The following STK32A variants were observed in gnomAD, a reference collection of about 807,000 sequenced individuals.
The protein encoded by STK32A is serine/threonine-protein kinase 32A.
In STK32A, 41 loss-of-function variants were observed where a neutral mutation model predicts 53.2. That is an observed-to-expected ratio of 0.77 (90% confidence interval 0.60 to 1.00). The LOEUF (loss-of-function observed/expected upper bound fraction) is 1.00, where lower values mean the gene tolerates loss of function less well. STK32A is among the 50% of genes least tolerant of loss of function. The pLI is 0.00. For missense variants in STK32A, 458 were observed against 485.8 expected (o/e 0.94, Z 0.54); for synonymous variants, 166 against 162.8 (o/e 1.02, Z -0.15).
intron 5 of STK32A, among the ~76,000 whole-genome samples, chr5:147,336,109 A>G (rs1755106988): frequency 1.3e-5 from 2 of 152,174 alleles, no homozygotes; most frequent in Admixed American, 6.5e-5. Flanking sequence ...TAAGTACTAT[A>G]CTAATATACT....
chr5:147,274,967 G>T (rs1389870556), intron 2 of STK32A, among the ~76,000 whole-genome samples: 1 of 151,970 alleles, frequency 6.6e-6, no homozygotes, highest in Admixed American at 6.6e-5. Flanking sequence ...CATATCCATT[G>T]GTTTTCAAAA....
At chr5:147,355,792 G>GTGTGTGTATATATATATATA (rs984298293) in intron 7 of STK32A, among the ~76,000 whole-genome samples, 3 of 147,766 alleles carry the variant, frequency 2.0e-5, no homozygotes, top group African/African-American at 7.6e-5. Context: ...GTGTGTGTGT[G>GTGTGTGTATATATATATATA]TATATATATA....
chr5:147,316,790 G>T (rs1298652324), intron 4 of STK32A, among the ~76,000 whole-genome samples: 1 of 145,254 alleles, frequency 6.9e-6, no homozygotes, highest in Non-Finnish European at 1.5e-5. Flanking sequence ...AGGAGTTCAA[G>T]GCTGCAGTGA....
chr5:147,355,792 G>GTATATATATATATATATATATATA (rs140534042), intron 7 of STK32A, among the ~76,000 whole-genome samples: 1 of 147,760 alleles, frequency 6.8e-6, no homozygotes, highest in African/African-American at 2.5e-5. Flanking sequence ...GTGTGTGTGT[G>GTATATATATATATATATATATATA]TATATATATA....
At chr5:147,389,275 C>T (rs1757742793), downstream of STK32A, among the ~76,000 whole-genome samples, 1 of 152,174 alleles carries the variant, frequency 6.6e-6, no homozygotes, top group Non-Finnish European at 1.5e-5. Context: ...GCGAATGGTG[C>T]CACAGCCACG....
At chr5:147,300,432 A>T (rs1239862050) in intron 4 of STK32A, among the ~76,000 whole-genome samples, 1 of 152,212 alleles carries the variant, frequency 6.6e-6, no homozygotes, top group Non-Finnish European at 1.5e-5. Context: ...ATTGTCTTTC[A>T]TATCCCACAA....
intron 2 of STK32A, among the ~76,000 whole-genome samples, chr5:147,270,389 T>G (rs1754978257): frequency 9.6e-6 from 1 of 104,604 alleles, no homozygotes; most frequent in African/African-American, 4.1e-5. Flanking sequence ...ATGTTTAATT[T>G]TTTTGTTGTT....
In STK32A at chr5:147,351,099, G is replaced by T; in HGVS notation, c.507G>T (p.Ala169=). 1 of 1,613,936 alleles carries T rather than the reference G, an allele frequency of 6.2e-7. No homozygotes were observed. Among genetic ancestry groups the T allele is most frequent in the South Asian group, 1.1e-5 (1 of 91,074 alleles). Residue 169 remains alanine (A), a synonymous_variant, in exon 7 of 13, where the codon GCG becomes GCT. Coordinates refer to ENST00000397936, the MANE Select transcript of STK32A (RefSeq NM_001112724.2). ...ACATCACAGATTTCAACATTGCTGC[G>T]ATGCTGCCCAGGGAGACACAGATTA... ...HVHITDFNIA[A]MLPRETQITT...
intron 2 of STK32A, among the ~76,000 whole-genome samples, chr5:147,245,080 A>G (rs1753723985): frequency 6.6e-6 from 1 of 152,236 alleles, no homozygotes; most frequent in South Asian, 2.1e-4. Flanking sequence ...CTATATAAAA[A>G]CACTTTAAAA....
intron 6 of STK32A, chr5:147,348,594 T>C: frequency 2.8e-6 from 2 of 712,156 alleles, no homozygotes; most frequent in Non-Finnish European, 5.3e-6. Flanking sequence ...TACATAATCT[T>C]GTAGCTGAGT....
chr5:147,388,933 A>C (rs1420980811), downstream of STK32A, among the ~76,000 whole-genome samples: 1 of 152,202 alleles, frequency 6.6e-6, no homozygotes, highest in Non-Finnish European at 1.5e-5. Context: ...CTCGGTCATG[A>C]GCAGGGAGAG....
the STK32A span, chr5:147,395,590 C>G: frequency 6.2e-7 from 1 of 1,613,710 alleles, no homozygotes; most frequent in South Asian, 1.1e-5. Context: ...GATGAAGATT[C>G]CTCACAGGTG....
chr5:147,279,136 T>G, intron 3 of STK32A, 111 bp from the exon 4 acceptor site: 1 of 981,820 alleles, frequency 1.0e-6, no homozygotes, highest in Non-Finnish European at 1.4e-6. Flanking sequence ...ATCATATAAT[T>G]TGCAAATGTT....
chr5:147,256,118 G>A (rs944712241), intron 2 of STK32A, among the ~76,000 whole-genome samples: 5 of 152,138 alleles, frequency 3.3e-5, no homozygotes, highest in African/African-American at 9.7e-5. Flanking sequence ...ACATCCGCTC[G>A]GGGATGAATA....
intron 2 of STK32A, among the ~76,000 whole-genome samples, chr5:147,259,967 T>C (rs1249616377): frequency 6.8e-6 from 1 of 146,248 alleles, no homozygotes; most frequent in African/African-American, 2.5e-5. Context: ...TGTCTCTCTC[T>C]CTCCTCTCTG....
the STK32A span, among the ~76,000 whole-genome samples, chr5:147,394,462 C>T: frequency 6.6e-6 from 1 of 152,168 alleles, no homozygotes; most frequent in African/African-American, 2.4e-5. Flanking sequence ...CTTTAATCCT[C>T]ACCACCATGG....
At chr5:147,284,696 C>CAAAAAAAAAAAAAAAAAAAAAAAAAAAAA (rs869167577) in intron 4 of STK32A, among the ~76,000 whole-genome samples, 1 of 51,658 alleles carries the variant, frequency 1.9e-5, no homozygotes, top group Non-Finnish European at 4.3e-5. Flanking sequence ...CAAGACAAAA[C>CAAAAAAAAAAAAAAAAAAAAAAAAAAAAA]AAAAAAACAA....
rs111724262 is a variant in STK32A at position 147,386,401 on chromosome 5, A to T, written c.*2418A>T. 6.6e-6 allele frequency: 1 copy of T among 152,138 alleles called. No individual in the cohort carries two copies. Among genetic ancestry groups the T allele is most frequent in the Non-Finnish European group, 1.5e-5 (1 of 68,034 alleles). 9.4% of individuals were successfully genotyped at this position (152,138 alleles called of 1,614,324 possible). On this transcript the variant is annotated 3_prime_UTR_variant, in exon 13 of 13. Coordinates refer to ENST00000397936, the MANE Select transcript of STK32A (RefSeq NM_001112724.2). Reference sequence around the variant, plus strand: ...TATGTGCTGTGGACTCACCTCCCTAAGTAACCAGGTTCCTCCTCTCGCTGC... The same window carrying T: ...TATGTGCTGTGGACTCACCTCCCTATGTAACCAGGTTCCTCCTCTCGCTGC...
chr5:147,333,677 A>G (rs1325252512), intron 5 of STK32A, among the ~76,000 whole-genome samples: 2 of 152,240 alleles, frequency 1.3e-5, no homozygotes, highest in Admixed American at 6.5e-5. Flanking sequence ...CTACTCATTT[A>G]TATTAATTTA....
Sources: allele counts gnomAD v4.1 joint callset (sites outside exome capture counted in the v4.1 genomes callset), GRCh38; gene constraint gnomAD v4.1.1; transcripts MANE v1.5; gene names NCBI Gene and HGNC (gene_info 2026-07-23, HGNC 2026-07-21).